The following ANGPT2 variants were observed in gnomAD, a reference collection of about 807,000 sequenced individuals.
ANGPT2 encodes the protein angiopoietin-2.
A neutral mutation model predicts 62.9 loss-of-function variants in ANGPT2; 28 were observed. The ratio of observed to expected loss-of-function variants is 0.44; its 90% CI spans 0.33 to 0.61. The LOEUF is 0.61. Ranked by LOEUF, ANGPT2 falls within the 20% of genes least tolerant of loss-of-function variation. ANGPT2 has a pLI of 0.03. For missense variants in ANGPT2, 727 were observed against 594.9 expected (o/e 1.22, Z -2.31); for synonymous variants, 284 against 207.8 (o/e 1.37, Z -3.15).
chr8:6,528,542 C>A (rs1361710853), intron 2 of ANGPT2, among the ~76,000 whole-genome samples: 1 of 152,180 alleles, frequency 6.6e-6, no homozygotes, highest in African/African-American at 2.4e-5. Flanking sequence ...TTGTTTGAAC[C>A]AATCGAAGCC....
chr8:6,550,485 G>A (rs1405698636), intron 1 of ANGPT2, among the ~76,000 whole-genome samples: 1 of 152,206 alleles, frequency 6.6e-6, no homozygotes, highest in African/African-American at 2.4e-5. Flanking sequence ...CCGGGGTGAA[G>A]CGGAAACAAG....
At chr8:6,558,190 C>T (rs1257333779) in intron 1 of ANGPT2, among the ~76,000 whole-genome samples, 1 of 152,108 alleles carries the variant, frequency 6.6e-6, no homozygotes, top group Non-Finnish European at 1.5e-5. Flanking sequence ...GAACGCTGTA[C>T]ATTTGATATT....
chr8:6,533,766 G>C (rs34196893), intron 1 of ANGPT2, among the ~76,000 whole-genome samples: 1 of 151,930 alleles, frequency 6.6e-6, no homozygotes. Context: ...TAAAAACTTA[G>C]AATTCTTTAT....
chr8:6,516,784 G>C (rs1022778634), intron 5 of ANGPT2, among the ~76,000 whole-genome samples: 4 of 152,128 alleles, frequency 2.6e-5, no homozygotes, highest in African/African-American at 9.7e-5. Context: ...TGATTCTTCA[G>C]TGTCAAAATT....
chr8:6,533,168 A>T (rs1014994313), intron 1 of ANGPT2, among the ~76,000 whole-genome samples: 1 of 152,242 alleles, frequency 6.6e-6, no homozygotes, highest in Non-Finnish European at 1.5e-5. Context: ...TGGTCCATTT[A>T]TCACCTAACG....
At chr8:6,507,289 T>C (rs762604886) in intron 8 of ANGPT2, among the ~76,000 whole-genome samples, 1 of 152,230 alleles carries the variant, frequency 6.6e-6, no homozygotes, top group Non-Finnish European at 1.5e-5. Flanking sequence ...ATGTTGACCA[T>C]AGCTGTTACC....
Position 6,503,137 on chromosome 8 carries a change from C to G in ANGPT2, c.1452G>C (p.Lys484Asn). 1 of 1,614,186 alleles carries G rather than the reference C, an allele frequency of 6.2e-7. No homozygotes were observed. The highest frequency in any genetic ancestry group is 8.5e-7 in the Non-Finnish European group (1 of 1,180,040). Residue 484 changes from lysine to asparagine, a missense_variant, in exon 9 of 9, where the codon AAG (lysine) becomes AAC (asparagine). Physicochemically the swap from Lys to Asn is moderately conservative, Grantham distance 94. Coordinates refer to ENST00000629816, the MANE Select transcript of ANGPT2 (RefSeq NM_001118887.2). ...YYWKGSGYSLKATTMMIRPAD... is the reference protein window; with the variant it reads ...YYWKGSGYSLNATTMMIRPAD... ...CTGGTCGGATCATCATGGTTGTGGC[C>G]TTGAGCGAATAGCCTGAGCCTTTCC...
Position 6,499,936 on chromosome 8 carries a change from C to G in ANGPT2, c.*3165G>C. 2 of 1,612,220 alleles carry G rather than the reference C, an allele frequency of 1.2e-6. No individual in the cohort carries two copies. The highest frequency in any genetic ancestry group is 1.7e-6 in the Non-Finnish European group (2 of 1,178,634). ...CCACTTCCCTGCAGCTCCCGTAAGTCAGATGTTGTTTTACGATGGTAAATG... is the reference window on the plus strand; with the variant it reads ...CCACTTCCCTGCAGCTCCCGTAAGTGAGATGTTGTTTTACGATGGTAAATG... On this transcript the variant is annotated 3_prime_UTR_variant, in exon 9 of 9. Transcript: ENST00000629816.
intron 3 of ANGPT2, among the ~76,000 whole-genome samples, chr8:6,526,438 A>C (rs955827744): frequency 3.9e-5 from 6 of 152,116 alleles, no homozygotes; most frequent in African/African-American, 1.4e-4. Flanking sequence ...CTGTCTCAAA[A>C]AAAAAACACA....
At chr8:6,512,697 C>G (rs1815400502) in intron 7 of ANGPT2, among the ~76,000 whole-genome samples, 1 of 152,198 alleles carries the variant, frequency 6.6e-6, no homozygotes, top group African/African-American at 2.4e-5. Context: ...ACTAGGTTGT[C>G]AAGTCCCATT....
chr8:6,518,426 C>T (rs932802403), intron 5 of ANGPT2, among the ~76,000 whole-genome samples: 1 of 152,126 alleles, frequency 6.6e-6, no homozygotes, highest in African/African-American at 2.4e-5. Context: ...TGTTGTATGG[C>T]TTCTAGGGCG....
At position 6,500,915 on chromosome 8, in the gene ANGPT2, A is replaced by G. The variant is rs777839519; in HGVS notation, c.*2186T>C. The G allele has an allele frequency of 6.6e-6, 1 of 152,188 alleles. No individual in the cohort carries two copies. The highest frequency in any genetic ancestry group is 1.5e-5 in the Non-Finnish European group (1 of 68,028). The allele number at this position is 152,188 out of a possible 1,614,324, so 9.4% of individuals were successfully genotyped here. ...AATTGATATAAATTGTGTTGTTGCC[A>G]GTTTTTCCTGCATTAGCGTTTCCCT... On this transcript the variant is annotated 3_prime_UTR_variant, in exon 9 of 9. Transcript: ENST00000629816.
chr8:6,529,928 A>G (rs151245709), intron 2 of ANGPT2, among the ~76,000 whole-genome samples: 5 of 151,868 alleles, frequency 3.3e-5, no homozygotes, highest in African/African-American at 1.2e-4. Context: ...ATCAAATGCT[A>G]TGAAGTCTCT....
At chr8:6,548,743 A>G (rs1823057773) in intron 1 of ANGPT2, among the ~76,000 whole-genome samples, 1 of 152,242 alleles carries the variant, frequency 6.6e-6, no homozygotes, top group South Asian at 2.1e-4. Context: ...TATAACAAGC[A>G]TCTCTCTCTG....
chr8:6,534,747 C>T (rs1012779510), intron 1 of ANGPT2, among the ~76,000 whole-genome samples: 1 of 152,164 alleles, frequency 6.6e-6, no homozygotes, highest in Non-Finnish European at 1.5e-5. Context: ...TCTTACTAAC[C>T]GTTTCTCAGA....
Position 6,563,110 on chromosome 8 carries a change from T to A in ANGPT2, c.-176A>T. On this transcript the variant is annotated 5_prime_UTR_variant, in exon 1 of 9. Transcript: ENST00000629816. Reference sequence around the variant, plus strand: ...GCAAACCTGGTTTTTACTGCTGTGTTCTCTCCAGGCATGCAGTAAACTGTC... The same window carrying A: ...GCAAACCTGGTTTTTACTGCTGTGTACTCTCCAGGCATGCAGTAAACTGTC... The A allele has an allele frequency of 1.6e-6, 1 of 609,322 alleles. No homozygotes were observed. 37.7% of individuals were successfully genotyped at this position (609,322 alleles called of 1,614,324 possible). A position where few individuals can be genotyped will look rare whatever the true frequency, so the allele number is the denominator to read the frequency against.
intron 1 of ANGPT2, among the ~76,000 whole-genome samples, chr8:6,538,795 C>T (rs1241513554): frequency 6.6e-6 from 1 of 152,204 alleles, no homozygotes; most frequent in African/African-American, 2.4e-5. Flanking sequence ...AATCCTCAAA[C>T]TCTGCAACCA....
In ANGPT2 at chr8:6,509,033, G is replaced by C. The variant is rs1814378366; in HGVS notation, c.1226C>G (p.Ala409Gly). The part of the protein sequence containing the change: ...RIHLKGLTGT[A>G]GKISSISQPG... The stretch of plus-strand genomic sequence containing the variant: ...TTGGCTGATGCTGCTTATTTTGCCG[G>C]CTGTCCCTGTAAGTCCTTTAAGGTG... The change falls in exon 8 of 9, where the codon GCC becomes GGC. Residue 409 changes from alanine (A) to glycine (G), a missense_variant. Transcript: ENST00000629816. 1.9e-6 allele frequency: 3 copies of C among 1,613,992 alleles called. No individual in the cohort carries two copies. Among genetic ancestry groups the C allele is most frequent in the Non-Finnish European group, 2.5e-6 (3 of 1,180,024 alleles).
chr8:6,532,196 C>A, intron 2 of ANGPT2, 136 bp downstream of exon 2: 1 of 1,050,412 alleles, frequency 9.5e-7, no homozygotes, highest in Admixed American at 2.5e-5. Context: ...TCCTTAATTT[C>A]TTATCAATTC....
Sources: gnomAD v4.1 joint callset for allele counts (sites outside exome capture counted in the v4.1 genomes callset) on GRCh38, gnomAD v4.1.1 for gene constraint, MANE v1.5 for transcripts, NCBI Gene and HGNC (gene_info 2026-07-23, HGNC 2026-07-21) for gene names.